Variants in FAM3C observed in about 807,000 individuals in gnomAD.
The protein encoded by FAM3C is FAM3 metabolism regulating signaling molecule C.
FAM3C carries 15 observed loss-of-function variants against 32.5 expected under a neutral mutation model. The observed-to-expected ratio is 0.46, with a 90% CI of 0.31 to 0.71. The LOEUF (loss-of-function observed/expected upper bound fraction) is 0.71, where lower values mean the gene tolerates loss of function less well. FAM3C is among the 30% of genes least tolerant of loss of function. The pLI is 0.05. For missense variants in FAM3C, 175 were observed against 274.4 expected, an observed-to-expected ratio of 0.64 and a Z score of 2.56; for synonymous variants, 75 against 86.1, an observed-to-expected ratio of 0.87 and a Z score of 0.72.
intron 6 of FAM3C, among the ~76,000 whole-genome samples, 175 bp from the exon 7 acceptor site, chr7:121,363,122 A>G (rs1020715534): frequency 1.3e-5 from 2 of 152,170 alleles, no homozygotes; most frequent in African/African-American, 4.8e-5. Context: ...TTAAAATCTG[A>G]ATCATATGCA....
intron 1 of FAM3C, among the ~76,000 whole-genome samples, chr7:121,387,144 T>C (rs1173315204): frequency 1.3e-5 from 2 of 152,152 alleles, no homozygotes; most frequent in Non-Finnish European, 2.9e-5. Flanking sequence ...GCTTTCTTTA[T>C]AGACACTGAA....
In FAM3C at chr7:121,373,747, G is replaced by A. The variant is rs546973355; in HGVS notation, c.119-1608C>T. Among the ~76,000 whole-genome samples, 4 of 152,194 alleles carry A rather than the reference G, an allele frequency of 2.6e-5. No homozygotes were observed. The South Asian group carries it at 8.3e-4, about 32-fold the overall frequency. On this transcript the variant is annotated intron_variant, in intron 3 of 9. Coordinates refer to ENST00000359943, the MANE Select transcript of FAM3C (RefSeq NM_014888.3). ...TAGAACATTAAGTATTTATGGCCGG[G>A]TGCAGTGGCTCACGCCTGTAATCCC...
chr7:121,391,295 C>A (rs1386821933), intron 1 of FAM3C, among the ~76,000 whole-genome samples: 3 of 152,092 alleles, frequency 2.0e-5, no homozygotes, highest in Non-Finnish European at 4.4e-5. Flanking sequence ...TCTAAGCTAC[C>A]TTAATCCTAT....
chr7:121,371,446 T>C (rs758234623), intron 4 of FAM3C, 23 bp from the exon 5 acceptor site: 15 of 1,610,762 alleles, frequency 9.3e-6, no homozygotes, highest in South Asian at 2.2e-5. Context: ...AAACATGATG[T>C]CTTTTTTTAG....
chr7:121,350,679 A>ACTCATTTAATATCTTGACC, intron 9 of FAM3C, 129 bp from the exon 10 acceptor site: 1 of 953,794 alleles, frequency 1.0e-6, no homozygotes, highest in African/African-American at 1.6e-5. Flanking sequence ...ATTACTGGTC[A>ACTCATTTAATATCTTGACC]AGATATTAAA....
chr7:121,382,210 T>C (rs953963129), intron 2 of FAM3C, among the ~76,000 whole-genome samples: 28 of 152,178 alleles, frequency 1.8e-4, no homozygotes, highest in Non-Finnish European at 4.1e-4. Flanking sequence ...CAGTTATTTA[T>C]AAACGTGTCT....
chr7:121,376,006 G>A (rs1235063666), intron 3 of FAM3C, among the ~76,000 whole-genome samples: 3 of 152,298 alleles, frequency 2.0e-5, no homozygotes, highest in East Asian at 3.9e-4. Context: ...AGAAGAATTA[G>A]CTATGCACAT....
chr7:121,392,333 G>T (rs988079060), intron 1 of FAM3C, among the ~76,000 whole-genome samples: 2 of 152,288 alleles, frequency 1.3e-5, no homozygotes, highest in East Asian at 3.9e-4. Context: ...TACAATCATG[G>T]AGGAAGGCTA....
intron 5 of FAM3C, among the ~76,000 whole-genome samples, chr7:121,368,379 T>C (rs1794066726): frequency 6.6e-6 from 1 of 152,314 alleles, no homozygotes; most frequent in South Asian, 2.1e-4. Context: ...GTGAGTTACA[T>C]GTACTCAGAG....
At chr7:121,372,085 T>G (rs947785901) in intron 4 of FAM3C, 25 bp downstream of exon 4, 2 of 1,572,190 alleles carry the variant, frequency 1.3e-6, no homozygotes, top group African/African-American at 2.7e-5. Context: ...AAATCATACA[T>G]AAAATATTGA....
At chr7:121,394,564 G>T in intron 1 of FAM3C, among the ~76,000 whole-genome samples, 1 of 152,224 alleles carries the variant, frequency 6.6e-6, no homozygotes, top group Non-Finnish European at 1.5e-5. Flanking sequence ...TCCTCAGGTT[G>T]AGAACTGCTG....
intron 1 of FAM3C, among the ~76,000 whole-genome samples, chr7:121,385,004 GAGGGA>G (rs1301185303): frequency 6.6e-6 from 1 of 152,104 alleles, no homozygotes; most frequent in Non-Finnish European, 1.5e-5. Context: ...TTGTATGGGT[GAGGGA>G]AGCAAAAACT....
intron 8 of FAM3C, among the ~76,000 whole-genome samples, chr7:121,353,164 C>G (rs1793741734): frequency 6.6e-6 from 1 of 152,166 alleles, no homozygotes; most frequent in African/African-American, 2.4e-5. Flanking sequence ...AGGAAAAATT[C>G]CCTGCAAAAT....
At chr7:121,393,536 G>T (rs186037155) in intron 1 of FAM3C, among the ~76,000 whole-genome samples, 6 of 152,246 alleles carry the variant, frequency 3.9e-5, no homozygotes, top group African/African-American at 7.2e-5. Context: ...GAAAAATCAT[G>T]AATAGCGGAT....
chr7:121,365,312 G>GT (rs1794003711), intron 5 of FAM3C, among the ~76,000 whole-genome samples: 1 of 152,098 alleles, frequency 6.6e-6, no homozygotes, highest in Admixed American at 6.5e-5. Context: ...GGAGATTCAT[G>GT]TTCAAATTCC....
At chr7:121,374,622 G>A (rs1052879428) in intron 3 of FAM3C, among the ~76,000 whole-genome samples, 9 of 152,080 alleles carry the variant, frequency 5.9e-5, no homozygotes, top group African/African-American at 1.7e-4. Flanking sequence ...ATCCATCTTC[G>A]TTAAGATAGT....
chr7:121,358,525 A>G (rs1024901144), intron 8 of FAM3C, among the ~76,000 whole-genome samples: 10 of 152,084 alleles, frequency 6.6e-5, no homozygotes, highest in East Asian at 3.8e-4. Flanking sequence ...ACTTTTATAA[A>G]ACAATTTTAA....
intron 6 of FAM3C, 113 bp downstream of exon 6, chr7:121,364,017 G>A: frequency 1.4e-6 from 1 of 723,124 alleles, no homozygotes; most frequent in East Asian, 2.6e-5. Context: ...TGGGACAGAG[G>A]GCTTTATCAT....
rs537158002 is a variant in FAM3C, at chr7:121,364,876, T to C, written c.273-688A>G. On this transcript the variant is annotated intron_variant, in intron 5 of 9. Transcript: ENST00000359943. ...CTGGTTATCAGTTCAGTTTGTTCAA[T>C]TGCTCAAATTAGAATTATTAAACTA... Among the ~76,000 whole-genome samples, 17 of 152,246 alleles carry C rather than the reference T, an allele frequency of 1.1e-4. No homozygotes were observed. The South Asian group carries it at 3.1e-3, about 28-fold the overall frequency.
Sources: allele counts gnomAD v4.1 joint callset (sites outside exome capture counted in the v4.1 genomes callset), GRCh38; gene constraint gnomAD v4.1.1; transcripts MANE v1.5; gene names NCBI Gene and HGNC (gene_info 2026-07-23, HGNC 2026-07-21).